Variants in MR1 observed in about 807,000 individuals in gnomAD.
MR1 encodes major histocompatibility complex class I-related protein 1.
MR1 carries 44 observed loss-of-function variants against 37.8 expected under a neutral mutation model. That is an observed-to-expected ratio of 1.16 (90% CI 0.91 to 1.50). The LOEUF is 1.50. MR1 is among the 40% of genes most tolerant of loss of function. The pLI is 0.00. For synonymous variants in MR1, 153 were observed against 155.8 expected (o/e 0.98, Z 0.13); for missense variants, 386 against 419.1 (o/e 0.92, Z 0.69).
chr1:181,039,127 G>A (rs577862625), intron 1 of MR1, among the ~76,000 whole-genome samples: 1 of 152,318 alleles, frequency 6.6e-6, no homozygotes, highest in East Asian at 1.9e-4. Context: ...TTTTCTATCT[G>A]TGGGTTGGAA....
intron 1 of MR1, among the ~76,000 whole-genome samples, chr1:181,047,524 A>G (rs1026367307): frequency 5.9e-5 from 9 of 152,164 alleles, no homozygotes; most frequent in Non-Finnish European, 1.2e-4. Flanking sequence ...ACTTGAACCC[A>G]GGAGGCAGAG....
At chr1:181,046,664 T>C (rs1309738151) in intron 1 of MR1, among the ~76,000 whole-genome samples, 1 of 151,914 alleles carries the variant, frequency 6.6e-6, no homozygotes, top group East Asian at 1.9e-4. Flanking sequence ...GTGGCAACCG[T>C]CTCGGGTCCG....
intron 1 of MR1, 88 bp from the exon 2 acceptor site, chr1:181,048,964 G>C (rs938527094): frequency 6.6e-6 from 10 of 1,509,634 alleles, no homozygotes; most frequent in Non-Finnish European, 9.0e-6. Flanking sequence ...GCTGAGTAGG[G>C]AGCACTCGTG....
chr1:181,049,501 C>G, intron 2 of MR1, 189 bp downstream of exon 2: 1 of 662,800 alleles, frequency 1.5e-6, no homozygotes, highest in East Asian at 2.8e-5. Flanking sequence ...CTCTCTCCCC[C>G]AGGAGCACTC....
rs1394794184 is a variant in MR1, at chr1:181,056,287, C to T, written c.*1022C>T. Reference sequence around the variant, plus strand: ...GCTGAGACAGGGGAATTGCTTGAACCCGGGAGGCAGAGATTGCAGTGAGCC... The same window carrying T: ...GCTGAGACAGGGGAATTGCTTGAACTCGGGAGGCAGAGATTGCAGTGAGCC... On this transcript the variant is annotated 3_prime_UTR_variant, in exon 6 of 6. Transcript: ENST00000367580. The T allele has an allele frequency of 1.3e-5, 2 of 151,690 alleles. No homozygotes were observed. The highest frequency in any genetic ancestry group is 4.8e-5 in the African/African-American group (2 of 41,268). The allele number at this position is 151,690 out of a possible 1,614,324, so 9.4% of individuals were successfully genotyped here.
Position 181,055,342 on chromosome 1 carries a change from T to C in MR1, c.*77T>C. ...CTGTCCCCCATAGAGTCAAGCCTAGTGCTTGAAGGTCCTGACGACACCCAC... is the reference window on the plus strand; with the variant it reads ...CTGTCCCCCATAGAGTCAAGCCTAGCGCTTGAAGGTCCTGACGACACCCAC... On this transcript the variant is annotated 3_prime_UTR_variant, in exon 6 of 6. Coordinates refer to ENST00000367580, the MANE Select transcript of MR1 (RefSeq NM_001385161.1). 1 of 1,355,962 alleles carries C rather than the reference T, an allele frequency of 7.4e-7. No homozygotes were observed. Among genetic ancestry groups the C allele is most frequent in the African/African-American group, 1.4e-5 (1 of 69,076 alleles). The allele number at this position is 1,355,962 out of a possible 1,614,324, so 84.0% of individuals were successfully genotyped here.
At chr1:181,039,203 A>C (rs1383648752) in intron 1 of MR1, among the ~76,000 whole-genome samples, 1 of 152,248 alleles carries the variant, frequency 6.6e-6, no homozygotes, top group African/African-American at 2.4e-5. Context: ...AAGGGCTTAA[A>C]ATGGTACCTA....
chr1:181,043,451 G>A lies in MR1; in HGVS notation c.68-5601G>A, dbSNP rs118081401. On this transcript the variant is annotated intron_variant, in intron 1 of 5. Transcript: ENST00000367580. The stretch of plus-strand genomic sequence containing the variant: ...AACAATGATTTTAATTGCTGGGCGT[G>A]GTGGCTCACATCTCTAATCCCAGCA... Among the ~76,000 whole-genome samples the A allele has an allele frequency of 1.5e-4, 23 of 152,328 alleles. No homozygotes were observed. The East Asian group carries it at 4.0e-3, about 27-fold the overall frequency.
At chr1:181,043,625 C>T (rs1035623006) in intron 1 of MR1, among the ~76,000 whole-genome samples, 3 of 152,126 alleles carry the variant, frequency 2.0e-5, no homozygotes, top group Non-Finnish European at 4.4e-5. Flanking sequence ...CCACTTAAGC[C>T]CAGGAATTCA....
intron 1 of MR1, among the ~76,000 whole-genome samples, chr1:181,038,344 G>A (rs890166220): frequency 6.6e-6 from 1 of 152,194 alleles, no homozygotes; most frequent in Non-Finnish European, 1.5e-5. Context: ...CATGGCCTGA[G>A]ATGTGTCCAA....
intron 3 of MR1, chr1:181,051,243 C>G (rs569834475): frequency 5.3e-5 from 8 of 150,212 alleles, no homozygotes; most frequent in Non-Finnish European, 1.2e-4. Context: ...GGTCAAAACA[C>G]ACTCCTAAAA....
chr1:181,037,657 T>G (rs2102360278), intron 1 of MR1, among the ~76,000 whole-genome samples: 1 of 152,344 alleles, frequency 6.6e-6, no homozygotes, highest in Middle Eastern at 3.4e-3. Context: ...ACAAAGGATG[T>G]TTTTTCTGAT....
chr1:181,053,489 A>G (rs978789069), intron 4 of MR1, 84 bp from the exon 5 acceptor site: 1 of 992,824 alleles, frequency 1.0e-6, no homozygotes, highest in Admixed American at 1.8e-5. Context: ...GGGTTTCCTG[A>G]TGATCACAGG....
At chr1:181,047,966 C>T (rs1156368300) in intron 1 of MR1, among the ~76,000 whole-genome samples, 1 of 150,976 alleles carries the variant, frequency 6.6e-6, no homozygotes, top group African/African-American at 2.4e-5. Flanking sequence ...GCCTGTAATC[C>T]CAGCACTTTG....
chr1:181,045,445 G>C (rs1657799265), intron 1 of MR1, among the ~76,000 whole-genome samples: 1 of 151,996 alleles, frequency 6.6e-6, no homozygotes, highest in Non-Finnish European at 1.5e-5. Flanking sequence ...AGACGTCCCA[G>C]GCCATTTGGT....
chr1:181,045,841 C>T (rs551873303), intron 1 of MR1, among the ~76,000 whole-genome samples: 121 of 152,324 alleles, frequency 7.9e-4, no homozygotes, highest in African/African-American at 2.8e-3. Context: ...GAGGGAGAGG[C>T]GCGAGCGGGA....
intron 5 of MR1, among the ~76,000 whole-genome samples, chr1:181,054,991 T>A (rs1437731274): frequency 2.0e-5 from 3 of 152,174 alleles, no homozygotes; most frequent in Admixed American, 1.3e-4. Flanking sequence ...AAACAAAAAA[T>A]TTTTTTACAA....
Position 181,052,279 on chromosome 1 carries a change from G to T in MR1, c.649G>T (p.Val217Phe). ...RVNRKETFPG[V>F]TALFCKAHGF... ...AAATCGCAAAGAAACTTTTCCAGGGGTTACAGCTCTCTTCTGCAAAGCTCA... is the reference window on the plus strand; with the variant it reads ...AAATCGCAAAGAAACTTTTCCAGGGTTTACAGCTCTCTTCTGCAAAGCTCA... Residue 217 changes from valine (V) to phenylalanine (F), a missense_variant, in exon 4 of 6, where the codon GTT (valine) becomes TTT (phenylalanine). Transcript: ENST00000367580. 3 of 1,614,182 alleles carry T rather than the reference G, an allele frequency of 1.9e-6. No homozygotes were observed. Among genetic ancestry groups the T allele is most frequent in the Non-Finnish European group, 2.5e-6 (3 of 1,180,034 alleles).
rs1657828856 is a variant in MR1 at position 181,045,891 on chromosome 1, C to A, written c.68-3161C>A. ...CGGCGCTTGCGGGCCAGCTGGAGTT[C>A]CAAGTGGGCGTGGGCTTGGCGGGCC... On this transcript the variant is annotated intron_variant, in intron 1 of 5. Transcript: ENST00000367580. Among the ~76,000 whole-genome samples the A allele has an allele frequency of 2.6e-5, 4 of 152,228 alleles. No individual in the cohort carries two copies. The South Asian group carries it at 8.3e-4, about 31-fold the overall frequency.
Sources: allele counts gnomAD v4.1 joint callset (sites outside exome capture counted in the v4.1 genomes callset), GRCh38; gene constraint gnomAD v4.1.1; transcripts MANE v1.5; gene names NCBI Gene and HGNC (gene_info 2026-07-23, HGNC 2026-07-21).